CLDND1: variants seen among roughly 807,000 people sequenced by gnomAD.
CLDND1 encodes the protein claudin domain-containing protein 1.
CLDND1 carries 13 observed loss-of-function variants against 26.3 expected under a neutral mutation model. The observed-to-expected ratio is 0.49, with a 90% CI of 0.32 to 0.78. The LOEUF is 0.78. CLDND1 is among the 30% of genes least tolerant of loss of function. CLDND1 has a pLI of 0.03. For synonymous variants in CLDND1, 107 were observed against 107.0 expected (o/e 1.00, Z 0.00); for missense variants, 289 against 312.8 (o/e 0.92, Z 0.57).
Position 98,518,901 on chromosome 3 carries a change from A to C in CLDND1, c.387T>G (p.Ile129Met), listed in dbSNP as rs780302840. Residue 129 changes from isoleucine to methionine, a missense_variant, in exon 3 of 5, where the codon ATT (isoleucine) becomes ATG (methionine). Ile to Met is a conservative substitution (Grantham distance 10). Transcript: ENST00000341181. ...AGTACTCACAGGTCCTAAGGAGATCAATCCCGCTATTGTGGTTTCCGGGAT... is the reference window on the plus strand; with the variant it reads ...AGTACTCACAGGTCCTAAGGAGATCCATCCCGCTATTGTGGTTTCCGGGAT... ...FVDPGNHNSG[I>M]DLLRTYLWRC... 2.5e-6 allele frequency: 4 copies of C among 1,603,800 alleles called. No homozygotes were observed. The highest frequency in any genetic ancestry group is 3.4e-6 in the Non-Finnish European group (4 of 1,170,648).
intron 1 of CLDND1, 190 bp downstream of exon 1, chr3:98,522,659 C>A: frequency 7.0e-7 from 1 of 1,422,476 alleles, no homozygotes; most frequent in Non-Finnish European, 9.1e-7. Flanking sequence ...GGCAGCCGTG[C>A]TCGGCCCCGG....
intron 1 of CLDND1, 86 bp from the exon 2 acceptor site, chr3:98,521,528 T>C (rs1706409093): frequency 1.3e-6 from 2 of 1,482,706 alleles, no homozygotes; most frequent in East Asian, 2.3e-5. Context: ...ATGCACCCTT[T>C]ACCCAATTCC....
intron 2 of CLDND1, among the ~76,000 whole-genome samples, chr3:98,520,102 C>T (rs1204426908): frequency 1.3e-5 from 2 of 152,150 alleles, no homozygotes; most frequent in East Asian, 3.9e-4. Flanking sequence ...TATTAGAATG[C>T]TAGCTCCCCA....
chr3:98,517,290 A>T, intron 3 of CLDND1, 101 bp from the exon 4 acceptor site: 2 of 1,352,832 alleles, frequency 1.5e-6, no homozygotes, highest in East Asian at 4.9e-5. Flanking sequence ...TTTTCTCAAA[A>T]AGTGTGAAAG....
chr3:98,520,819 C>G, intron 2 of CLDND1: 1 of 258,736 alleles, frequency 3.9e-6, no homozygotes, highest in East Asian at 7.4e-5. Flanking sequence ...TTTCGATGTA[C>G]TTTTCCAACT....
intron 1 of CLDND1, chr3:98,522,538 T>C: frequency 7.9e-7 from 1 of 1,271,158 alleles, no homozygotes; most frequent in Non-Finnish European, 9.9e-7. Context: ...TGCTCTCAAA[T>C]GACCTTAAAG....
At chr3:98,521,542 T>C in intron 1 of CLDND1, 100 bp from the exon 2 acceptor site, 1 of 1,460,988 alleles carries the variant, frequency 6.8e-7, no homozygotes, top group Non-Finnish European at 9.5e-7. Flanking sequence ...CAATTCCCCA[T>C]CCCTTCGTAC....
In CLDND1 at chr3:98,516,815, T is replaced by C. The variant is rs1706160305; in HGVS notation, c.606A>G (p.Leu202=). The C allele has an allele frequency of 1.2e-6, 2 of 1,613,104 alleles. No homozygotes were observed. The highest frequency in any genetic ancestry group is 1.3e-5 in the African/African-American group (1 of 74,922). The change falls in exon 5 of 5, where the codon CTA becomes CTG. Residue 202 remains leucine, a synonymous_variant. Coordinates refer to ENST00000341181, the MANE Select transcript of CLDND1 (RefSeq NM_001040181.2). ...CACCGGATACATTGTCAGGGAGCTC[T>C]AGTTTCTGGTGGAGTAGTTCAATTC... is the stretch of plus-strand genomic sequence containing the variant. The part of the protein sequence containing the change: ...VAGIELLHQK[L]ELPDNVSGEF...
chr3:98,518,745 G>C lies in CLDND1; in HGVS notation c.403+140C>G. 3 of 615,088 alleles carry C rather than the reference G, an allele frequency of 4.9e-6. No homozygotes were observed. In the South Asian group the frequency reaches 5.9e-5, roughly 12 times the overall value. The allele number at this position is 615,088 out of a possible 1,614,324, so 38.1% of individuals were successfully genotyped here. On this transcript the variant is annotated intron_variant, in intron 3 of 4. Coordinates refer to ENST00000341181, the MANE Select transcript of CLDND1 (RefSeq NM_001040181.2). ...CCTTCTAAAATATCAACAGAATAGA[G>C]TTCACTGGATACTGTTAGAGATTTT...
In CLDND1 at chr3:98,516,416, T is replaced by A; in HGVS notation, c.*243A>T. 1 of 1,261,714 alleles carries A rather than the reference T, an allele frequency of 7.9e-7. No homozygotes were observed. The highest frequency in any genetic ancestry group is 1.0e-6 in the Non-Finnish European group (1 of 1,004,120). The allele number at this position is 1,261,714 out of a possible 1,614,324, so 78.2% of individuals were successfully genotyped here. ...TTCATAAATTTGTGTCAAGTCTCTA[T>A]CCATTTCTTTCTGTCTAGACCTAGA... is the stretch of plus-strand genomic sequence containing the variant. On this transcript the variant is annotated 3_prime_UTR_variant, in exon 5 of 5. Coordinates refer to ENST00000341181, the MANE Select transcript of CLDND1 (RefSeq NM_001040181.2).
chr3:98,517,255 A>G, intron 3 of CLDND1, 66 bp from the exon 4 acceptor site: 3 of 1,543,324 alleles, frequency 1.9e-6, no homozygotes, highest in South Asian at 2.4e-5. Context: ...CGCAATGGCA[A>G]TTTCTTTCAT....
Position 98,516,894 on chromosome 3 carries a change from T to C in CLDND1, c.542-15A>G. 1.2e-6 allele frequency: 2 copies of C among 1,613,470 alleles called. No homozygotes were observed. Among genetic ancestry groups the C allele is most frequent in the Non-Finnish European group, 1.7e-6 (2 of 1,179,748 alleles). ...TGTACACAGACCTTGGGGGAAAATT[T>C]AGAAAACAAAACAAAACATGGCTGG... On this transcript the variant is annotated splice_polypyrimidine_tract_variant and intron_variant, in intron 4 of 4. Transcript: ENST00000341181.
chr3:98,522,674 G>A, intron 1 of CLDND1, 175 bp downstream of exon 1: 2 of 1,440,344 alleles, frequency 1.4e-6, no homozygotes, highest in Non-Finnish European at 1.8e-6. Context: ...CCCCGGGCCA[G>A]GGTCCCCCGG....
At chr3:98,517,010 G>C (rs200338234) in intron 4 of CLDND1, 42 bp downstream of exon 4, 5 of 1,612,108 alleles carry the variant, frequency 3.1e-6, no homozygotes, top group Middle Eastern at 3.3e-4. Context: ...TCCCTAAAGA[G>C]ACAGGAAGAA....
Position 98,515,944 on chromosome 3 carries a change from C to T in CLDND1, c.*715G>A, listed in dbSNP as rs1576264970. On this transcript the variant is annotated 3_prime_UTR_variant, in exon 5 of 5. Coordinates refer to ENST00000341181, the MANE Select transcript of CLDND1 (RefSeq NM_001040181.2). ...ATGTGAAGAGGAAAGAAAAAAAATC[C>T]AAAACAATTTGGTGGTACTGAAAAT... 17 of 1,212,650 alleles carry T rather than the reference C, an allele frequency of 1.4e-5. No individual in the cohort carries two copies. Among genetic ancestry groups the T allele is most frequent in the Non-Finnish European group, 1.8e-5 (17 of 949,390 alleles). The allele number at this position is 1,212,650 out of a possible 1,614,324, so 75.1% of individuals were successfully genotyped here.
In CLDND1 at chr3:98,521,258, C is replaced by T. The variant is rs1167918486; in HGVS notation, c.167G>A (p.Ser56Asn). 3.1e-6 allele frequency: 5 copies of T among 1,614,100 alleles called. No individual in the cohort carries two copies. The highest frequency in any genetic ancestry group is 1.7e-5 in the Admixed American group (1 of 60,014). The change falls in exon 2 of 5, where the codon AGT becomes AAT. Residue 56 changes from serine to asparagine, a missense_variant. Transcript: ENST00000341181. ...LNKSIWDEFI[S>N]DEADEKTYND... is the part of the protein sequence containing the mutation. Reference sequence around the variant, plus strand: ...ATAAGTCTTTTCATCTGCCTCATCACTAATGAATTCATCCCAGATGCTTTT... The same window carrying T: ...ATAAGTCTTTTCATCTGCCTCATCATTAATGAATTCATCCCAGATGCTTTT...
At position 98,521,206 on chromosome 3, in the gene CLDND1, G is replaced by A; in HGVS notation, c.219C>T (p.Gly73=). ...TACACCGTCTCCACAATCCCACTGT[G>A]CCATTGTATCGAAAAAGTGCATCAT... is the stretch of plus-strand genomic sequence containing the variant. ...TYNDALFRYN[G]TVGLWRRCIT... is the part of the protein sequence containing the mutation. The change falls in exon 2 of 5, where the codon GGC becomes GGT. Residue 73 remains glycine (G), a synonymous_variant. Transcript: ENST00000341181. The A allele has an allele frequency of 1.2e-6, 2 of 1,614,170 alleles. No homozygotes were observed. Among genetic ancestry groups the A allele is most frequent in the Non-Finnish European group, 1.7e-6 (2 of 1,180,008 alleles).
rs1037291778 is a variant in CLDND1 at position 98,515,912 on chromosome 3, C to G, written c.*747G>C. On this transcript the variant is annotated 3_prime_UTR_variant, in exon 5 of 5. Transcript: ENST00000341181. ...TAAAAAGAAAGCACACTTTTAATAA[C>G]CCTGGTATGTGAAGAGGAAAGAAAA... 1 of 1,259,172 alleles carries G rather than the reference C, an allele frequency of 7.9e-7. No homozygotes were observed. Among genetic ancestry groups the G allele is most frequent in the African/African-American group, 1.5e-5 (1 of 64,688 alleles). 78.0% of individuals were successfully genotyped at this position (1,259,172 alleles called of 1,614,324 possible).
chr3:98,516,006 G>C lies in CLDND1; in HGVS notation c.*653C>G. ...TTAAAAATAATACTAATCCTCGCCC[G>C]GCTGAACTGGAATTCTTGCAGTTAC... is the stretch of plus-strand genomic sequence containing the variant. On this transcript the variant is annotated 3_prime_UTR_variant, in exon 5 of 5. Coordinates refer to ENST00000341181, the MANE Select transcript of CLDND1 (RefSeq NM_001040181.2). The C allele has an allele frequency of 8.6e-7, 1 of 1,162,098 alleles. No individual in the cohort carries two copies. The highest frequency in any genetic ancestry group is 1.1e-6 in the Non-Finnish European group (1 of 928,648). The allele number at this position is 1,162,098 out of a possible 1,614,324, so 72.0% of individuals were successfully genotyped here. A position where few individuals can be genotyped will look rare whatever the true frequency, so the allele number is the denominator to read the frequency against.
Sources: allele counts gnomAD v4.1 joint callset (sites outside exome capture counted in the v4.1 genomes callset), GRCh38; gene constraint gnomAD v4.1.1; transcripts MANE v1.5; gene names NCBI Gene and HGNC (gene_info 2026-07-23, HGNC 2026-07-21).